REEP3: variants seen among roughly 807,000 people sequenced by gnomAD.
REEP3 encodes the protein receptor expression-enhancing protein 3.
A neutral mutation model predicts 41.3 loss-of-function variants in REEP3; 20 were observed. The observed-to-expected ratio is 0.48, with a 90% CI of 0.34 to 0.70. The LOEUF (loss-of-function observed/expected upper bound fraction) is 0.70, where lower values mean the gene tolerates loss of function less well. Among genes scored for constraint, REEP3 ranks in the 30% least tolerant of loss-of-function variants. The pLI is 0.01. For synonymous variants in REEP3, 104 were observed against 101.8 expected, an observed-to-expected ratio of 1.02 and a Z score of -0.13; for missense variants, 271 against 308.8, an observed-to-expected ratio of 0.88 and a Z score of 0.92.
At chr10:63,599,005 G>A (rs898881300) in intron 4 of REEP3, among the ~76,000 whole-genome samples, 165 bp from the exon 5 acceptor site, 5 of 151,978 alleles carry the variant, frequency 3.3e-5, no homozygotes, top group African/African-American at 1.2e-4. Flanking sequence ...CTAGGCAAAA[G>A]GAAGAGACCC....
intron 4 of REEP3, among the ~76,000 whole-genome samples, chr10:63,598,593 G>A (rs926713123): frequency 6.6e-6 from 1 of 151,488 alleles, no homozygotes; most frequent in African/African-American, 2.4e-5. Context: ...GACCATCCTG[G>A]CTAACACGGT....
intron 7 of REEP3, 118 bp downstream of exon 7, chr10:63,619,918 ATTTTTT>A (rs71463534): frequency 1.2e-4 from 31 of 249,946 alleles, no homozygotes; most frequent in East Asian, 1.4e-4. Context: ...CAGCAGTTTG[ATTTTTT>A]TTTTTTTTTT....
chr10:63,573,304 G>T lies in REEP3; in HGVS notation c.105+6894G>T, dbSNP rs370482705. On this transcript the variant is annotated intron_variant, in intron 2 of 7. Coordinates refer to ENST00000373758, the MANE Select transcript of REEP3 (RefSeq NM_001001330.3). ...GGCCTACTTAAAGACTTTCAGTCTTGCAGTAATTGAAATGTAAACTTACTG... is the reference window on the plus strand; with the variant it reads ...GGCCTACTTAAAGACTTTCAGTCTTTCAGTAATTGAAATGTAAACTTACTG... 1.8e-4 allele frequency among the ~76,000 whole-genome samples: 27 copies of T among 152,302 alleles called. 1 individual carries two copies. The highest frequency in any genetic ancestry group is 4.8e-4 in the African/African-American group (20 of 41,562).
intron 5 of REEP3, among the ~76,000 whole-genome samples, chr10:63,605,580 A>C (rs1315054279): frequency 6.6e-6 from 1 of 152,252 alleles, no homozygotes; most frequent in Non-Finnish European, 1.5e-5. Context: ...GGTTTTATAC[A>C]AAGGTGCTGA....
intron 1 of REEP3, among the ~76,000 whole-genome samples, chr10:63,545,680 G>GT (rs55779021): frequency 0.038 from 2,098 of 55,408 alleles, 191 homozygotes; most frequent in African/African-American, 0.083. Context: ...GCCAACTTCT[G>GT]TTTTTTTTTT....
intron 1 of REEP3, among the ~76,000 whole-genome samples, chr10:63,552,180 G>A (rs1955634886): frequency 6.6e-6 from 1 of 152,090 alleles, no homozygotes; most frequent in Non-Finnish European, 1.5e-5. Flanking sequence ...CGAGGCAGGT[G>A]GATCACGAGG....
At chr10:63,537,901 G>A (rs969325952) in intron 1 of REEP3, among the ~76,000 whole-genome samples, 3 of 152,058 alleles carry the variant, frequency 2.0e-5, no homozygotes, top group Non-Finnish European at 4.4e-5. Flanking sequence ...TTACCCAAGG[G>A]ATTTTTGAGG....
At chr10:63,533,869 G>A (rs1955449842) in intron 1 of REEP3, among the ~76,000 whole-genome samples, 1 of 151,732 alleles carries the variant, frequency 6.6e-6, no homozygotes, top group South Asian at 2.1e-4. Context: ...CACCATGCCA[G>A]CTAATTTTTG....
At chr10:63,594,397 T>A (rs1956094747) in intron 2 of REEP3, among the ~76,000 whole-genome samples, 1 of 152,012 alleles carries the variant, frequency 6.6e-6, no homozygotes, top group Non-Finnish European at 1.5e-5. Context: ...TAAAAATAAA[T>A]AAATAACTTA....
intron 1 of REEP3, among the ~76,000 whole-genome samples, chr10:63,559,465 T>C (rs1955721223): frequency 1.3e-5 from 2 of 152,192 alleles, no homozygotes; most frequent in Admixed American, 1.3e-4. Flanking sequence ...TTCTTGGTAG[T>C]AATATGTATA....
At chr10:63,546,388 A>G (rs1323350203) in intron 1 of REEP3, among the ~76,000 whole-genome samples, 1 of 152,230 alleles carries the variant, frequency 6.6e-6, no homozygotes, top group Non-Finnish European at 1.5e-5. Context: ...ATTGTTTGAC[A>G]GATTGGCTGT....
chr10:63,547,380 T>C (rs1302496860), intron 1 of REEP3, among the ~76,000 whole-genome samples: 3 of 151,934 alleles, frequency 2.0e-5, no homozygotes. Flanking sequence ...GAAGCCAAAA[T>C]GGGAGAAAAT....
intron 5 of REEP3, among the ~76,000 whole-genome samples, chr10:63,599,492 C>A (rs939459188): frequency 1.4e-4 from 21 of 152,120 alleles, no homozygotes; most frequent in Admixed American, 1.4e-3. Context: ...AAAATGAGGT[C>A]GTTAATAAAT....
chr10:63,562,261 T>G (rs1357355828), intron 1 of REEP3, among the ~76,000 whole-genome samples: 1 of 151,718 alleles, frequency 6.6e-6, no homozygotes, highest in Non-Finnish European at 1.5e-5. Context: ...CAGAGTTTTT[T>G]TTTTTTTTTT....
intron 3 of REEP3, 110 bp from the exon 4 acceptor site, chr10:63,597,907 CAAAAAAA>C: frequency 1.5e-6 from 1 of 648,306 alleles, no homozygotes; most frequent in Non-Finnish European, 2.3e-6. Flanking sequence ...AACTCCATCT[CAAAAAAA>C]AAAAAACAAA....
In REEP3 at chr10:63,620,892, A is replaced by G; in HGVS notation, c.*23A>G. The G allele has an allele frequency of 1.3e-6, 2 of 1,511,290 alleles. No individual in the cohort carries two copies. The highest frequency in any genetic ancestry group is 1.4e-5 in the African/African-American group (1 of 72,960). 93.6% of individuals were successfully genotyped at this position (1,511,290 alleles called of 1,614,324 possible). A position where few individuals can be genotyped will look rare whatever the true frequency, so the allele number is the denominator to read the frequency against. ...TAGTCATCTACACGTCAAATATCCC[A>G]AGACAGATTATGCTAAATACATCGA... On this transcript the variant is annotated 3_prime_UTR_variant, in exon 8 of 8. Transcript: ENST00000373758.
chr10:63,590,553 C>T (rs1331526092), intron 2 of REEP3, among the ~76,000 whole-genome samples: 2 of 151,502 alleles, frequency 1.3e-5, no homozygotes, highest in African/African-American at 2.4e-5. Flanking sequence ...GTATAGTTAT[C>T]GACTAGGCTA....
chr10:63,525,861 A>G (rs1955359012), intron 1 of REEP3, among the ~76,000 whole-genome samples: 1 of 152,122 alleles, frequency 6.6e-6, no homozygotes, highest in South Asian at 2.1e-4. Flanking sequence ...ATGATCTAGC[A>G]TTGTGATTAA....
chr10:63,618,834 G>T (rs554848273), intron 6 of REEP3, among the ~76,000 whole-genome samples: 1 of 152,350 alleles, frequency 6.6e-6, no homozygotes, highest in African/African-American at 2.4e-5. Flanking sequence ...CTCAGCTTCA[G>T]GGTTGGAAGA....
Sources: gnomAD v4.1 joint callset for allele counts (sites outside exome capture counted in the v4.1 genomes callset) on GRCh38, gnomAD v4.1.1 for gene constraint, MANE v1.5 for transcripts, NCBI Gene and HGNC (gene_info 2026-07-23, HGNC 2026-07-21) for gene names.